The following PUM2 variants were observed in gnomAD, a reference collection of about 807,000 sequenced individuals.
PUM2 encodes the protein pumilio RNA binding family member 2, also known as pumilio homolog 2.
A neutral mutation model predicts 124.5 loss-of-function variants in PUM2; 57 were observed. The observed-to-expected ratio is 0.46, with a 90% CI of 0.37 to 0.57. The LOEUF (loss-of-function observed/expected upper bound fraction) is 0.57, where lower values mean the gene tolerates loss of function less well. Ranked by LOEUF, PUM2 falls within the 20% of genes least tolerant of loss-of-function variation. The pLI is 0.00. For synonymous variants in PUM2, 460 were observed against 446.1 expected (o/e 1.03, Z -0.39); for missense variants, 1,065 against 1,290.6 (o/e 0.83, Z 2.68).
intron 19 of PUM2, 129 bp from the exon 20 acceptor site, chr2:20,254,143 T>C (rs1320643772): frequency 8.7e-6 from 7 of 805,268 alleles, no homozygotes; most frequent in African/African-American, 5.3e-5. Context: ...TCTTGTCTTA[T>C]GATTACTTTT....
intron 14 of PUM2, 86 bp downstream of exon 14, chr2:20,263,107 C>CAGACTA (rs1666692991): frequency 7.6e-7 from 1 of 1,312,742 alleles, no homozygotes; most frequent in African/African-American, 1.5e-5. Flanking sequence ...AACTTTAATG[C>CAGACTA]AGACTAAAGT....
rs559118647 is a variant in PUM2 at position 20,350,494 on chromosome 2, C to G, written c.-19+103G>C. ...GCACTCAGCAGGCCCTATCCGCCCT[C>G]CCGCTGGCGATCGGCTCCCGCCGAG... On this transcript the variant is annotated intron_variant, in intron 1 of 20. Transcript: ENST00000361078. The G allele has an allele frequency of 9.1e-6, 9 of 985,558 alleles. No individual in the cohort carries two copies. In the East Asian group the frequency reaches 8.0e-4, roughly 87 times the overall value. The allele number at this position is 985,558 out of a possible 1,614,324, so 61.1% of individuals were successfully genotyped here. A position where few individuals can be genotyped will look rare whatever the true frequency, so the allele number is the denominator to read the frequency against.
In PUM2 at chr2:20,345,089, C is replaced by CTT. The variant is rs768667526; in HGVS notation, c.-19+5506_-19+5507dup. ...CTACATGTGTCCACAGCACTTTTTT[C>CTT]TTTTTTTTTTTTTTGCGGCGGGGCC... On this transcript the variant is annotated intron_variant, in intron 1 of 20. Coordinates refer to ENST00000361078, the MANE Select transcript of PUM2 (RefSeq NM_015317.5). Among the ~76,000 whole-genome samples the CTT allele has an allele frequency of 1.6e-3, 205 of 129,416 alleles. 2 individuals are homozygous for CTT. The highest frequency in any genetic ancestry group is 0.012 in the South Asian group (44 of 3,804). The allele number at this position is 129,416 out of a possible 152,430, so 84.9% of individuals were successfully genotyped here.
At chr2:20,256,203 C>T in intron 16 of PUM2, 33 bp from the exon 17 acceptor site, 2 of 1,546,498 alleles carry the variant, frequency 1.3e-6, no homozygotes, top group Non-Finnish European at 1.7e-6. Flanking sequence ...TAAATTATTA[C>T]CTCAAACGAG....
At chr2:20,318,385 T>G in intron 3 of PUM2, 152 bp downstream of exon 3, 16 of 619,946 alleles carry the variant, frequency 2.6e-5, no homozygotes, top group Middle Eastern at 3.4e-4. Context: ...GAGGATTGCA[T>G]GAGCTCAGTT....
chr2:20,265,753 G>C (rs955958983), intron 13 of PUM2, among the ~76,000 whole-genome samples: 2 of 152,124 alleles, frequency 1.3e-5, no homozygotes, highest in African/African-American at 4.8e-5. Context: ...CTTCAACCTA[G>C]TTTTCAAGTC....
rs562606273 is a variant in PUM2 at position 20,275,890 on chromosome 2, G to A, written c.1957+2693C>T. Among the ~76,000 whole-genome samples, 17 of 152,200 alleles carry A rather than the reference G, an allele frequency of 1.1e-4. 1 individual carries two copies. Among genetic ancestry groups the A allele is most frequent in the African/African-American group, 4.1e-4 (17 of 41,562 alleles). On this transcript the variant is annotated intron_variant, in intron 13 of 20. Coordinates refer to ENST00000361078, the MANE Select transcript of PUM2 (RefSeq NM_015317.5). ...TTAAGACATATCAAACAAATGCAAT[G>A]TATGAACCTTATTTTGACTGTGATT...
At chr2:20,323,908 C>CAAAAAAAA (rs397984008) in intron 2 of PUM2, among the ~76,000 whole-genome samples, 1 of 58,436 alleles carries the variant, frequency 1.7e-5, no homozygotes, top group Non-Finnish European at 3.1e-5. Context: ...TACGGACTAG[C>CAAAAAAAA]AAAAAAAAAA....
At chr2:20,255,409 T>C in intron 17 of PUM2, 68 bp from the exon 18 acceptor site, 2 of 1,448,512 alleles carry the variant, frequency 1.4e-6, no homozygotes, top group South Asian at 2.5e-5. Context: ...TGAAGCAGAC[T>C]GGTTTGTTTT....
chr2:20,348,234 C>G (rs1165086061), intron 1 of PUM2, among the ~76,000 whole-genome samples: 3 of 151,858 alleles, frequency 2.0e-5, no homozygotes, highest in African/African-American at 7.3e-5. Context: ...ACCAATTTAC[C>G]TGGCTATAAG....
intron 1 of PUM2, among the ~76,000 whole-genome samples, chr2:20,335,664 A>G (rs748911403): frequency 2.8e-4 from 43 of 152,250 alleles, no homozygotes; most frequent in African/African-American, 2.9e-4. Flanking sequence ...AAAAAGCTCT[A>G]TAACAAAGAA....
chr2:20,277,571 C>A (rs1032395638), intron 13 of PUM2, among the ~76,000 whole-genome samples: 5 of 151,972 alleles, frequency 3.3e-5, no homozygotes, highest in Non-Finnish European at 7.4e-5. Flanking sequence ...CAACAGATAC[C>A]TTTGTTACAT....
At chr2:20,277,711 A>T (rs1670583215) in intron 13 of PUM2, among the ~76,000 whole-genome samples, 1 of 152,148 alleles carries the variant, frequency 6.6e-6, no homozygotes, top group Non-Finnish European at 1.5e-5. Context: ...TACAGTAGCA[A>T]CATTACTTTT....
chr2:20,270,168 A>G (rs1045122157), intron 13 of PUM2, among the ~76,000 whole-genome samples: 4 of 152,230 alleles, frequency 2.6e-5, no homozygotes, highest in African/African-American at 9.6e-5. Flanking sequence ...GTAGCCTAAT[A>G]GGAACCTGTT....
chr2:20,350,441 G>A (rs1689121868), intron 1 of PUM2, 156 bp downstream of exon 1: 2 of 967,008 alleles, frequency 2.1e-6, no homozygotes, highest in Non-Finnish European at 2.5e-6. Context: ...TGCATTGTGC[G>A]AGCGGGCCCC....
At chr2:20,299,525 G>T (rs375671108) in intron 7 of PUM2, among the ~76,000 whole-genome samples, 8 of 151,970 alleles carry the variant, frequency 5.3e-5, no homozygotes, top group Admixed American at 3.9e-4. Context: ...AAAATTAGCT[G>T]GGTGTGGTAG....
intron 1 of PUM2, among the ~76,000 whole-genome samples, chr2:20,341,816 A>T (rs1687278921): frequency 6.6e-6 from 1 of 152,146 alleles, no homozygotes; most frequent in Non-Finnish European, 1.5e-5. Context: ...ATACCTCACC[A>T]AGGAAAAACA....
chr2:20,262,174 T>C (rs1027258906), intron 14 of PUM2, among the ~76,000 whole-genome samples: 7 of 152,228 alleles, frequency 4.6e-5, no homozygotes, highest in African/African-American at 1.7e-4. Context: ...AGTTGAAGTG[T>C]ACAGTGTTTA....
At chr2:20,295,255 A>T (rs1352836322) in intron 8 of PUM2, among the ~76,000 whole-genome samples, 1 of 152,192 alleles carries the variant, frequency 6.6e-6, no homozygotes, top group African/African-American at 2.4e-5. Flanking sequence ...AGTTTTATGC[A>T]CAATAAGCTT....
Sources: allele counts gnomAD v4.1 joint callset (sites outside exome capture counted in the v4.1 genomes callset), GRCh38; gene constraint gnomAD v4.1.1; transcripts MANE v1.5; gene names NCBI Gene and HGNC (gene_info 2026-07-23, HGNC 2026-07-21).